The following DHRS7C variants were observed in gnomAD, a reference collection of about 807,000 sequenced individuals.
DHRS7C encodes dehydrogenase/reductase SDR family member 7C.
A neutral mutation model predicts 29.6 loss-of-function variants in DHRS7C; 28 were observed. The ratio of observed to expected loss-of-function variants is 0.95; its 90% CI spans 0.70 to 1.30. DHRS7C has a LOEUF of 1.30. Ranked by LOEUF, DHRS7C falls within the 50% of genes most tolerant of loss-of-function variation. DHRS7C has a pLI of 0.00. For missense variants in DHRS7C, 403 were observed against 393.3 expected, an observed-to-expected ratio of 1.02 and a Z score of -0.21; for synonymous variants, 158 against 160.2, an observed-to-expected ratio of 0.99 and a Z score of 0.10.
At chr17:9,777,050 G>A in intron 4 of DHRS7C, 143 bp downstream of exon 4, 1 of 645,746 alleles carries the variant, frequency 1.5e-6, no homozygotes, top group East Asian at 3.0e-5. Context: ...AGGAACCATA[G>A]GGATGAAAGA....
intron 2 of DHRS7C, among the ~76,000 whole-genome samples, chr17:9,781,182 A>C (rs943351380): frequency 6.6e-6 from 1 of 152,206 alleles, no homozygotes; most frequent in Admixed American, 6.5e-5. Context: ...CTGTGTTTGT[A>C]ATCACAGTCC....
At chr17:9,785,190 A>T (rs1393047682) in intron 1 of DHRS7C, 2 of 152,250 alleles carry the variant, frequency 1.3e-5, no homozygotes, top group Non-Finnish European at 2.9e-5. Context: ...ACACAAATGA[A>T]TCAAAGAAGA....
intron 1 of DHRS7C, among the ~76,000 whole-genome samples, chr17:9,790,464 C>T (rs1256316570): frequency 6.6e-6 from 1 of 152,140 alleles, no homozygotes; most frequent in African/African-American, 2.4e-5. Context: ...AATGCAAATG[C>T]CTTCAATGCC....
In DHRS7C at chr17:9,781,546, C is replaced by A; in HGVS notation, c.203G>T (p.Gly68Val). The A allele has an allele frequency of 6.2e-7, 1 of 1,614,008 alleles. No homozygotes were observed. The highest frequency in any genetic ancestry group is 8.5e-7 in the Non-Finnish European group (1 of 1,179,892). ...HTGGARLVLCGKNWERLENLY... is the reference protein window; with the variant it reads ...HTGGARLVLCVKNWERLENLY... The stretch of plus-strand genomic sequence containing the variant: ...GTTCTCTAGCCTCTCCCAGTTCTTT[C>A]CACACAGCACCAGCCTTGCCCCACC... Residue 68 changes from glycine to valine, a missense_variant, in exon 2 of 6, where the codon GGA becomes GTA. Gly to Val is a moderately radical substitution (Grantham distance 109). Transcript: ENST00000571134.
intron 1 of DHRS7C, among the ~76,000 whole-genome samples, chr17:9,783,181 G>C (rs1466678314): frequency 1.3e-5 from 2 of 152,166 alleles, no homozygotes; most frequent in East Asian, 3.8e-4. Context: ...TGAGAGAGCT[G>C]GGAGGAGGGC....
Position 9,781,576 on chromosome 17 carries a change from T to C in DHRS7C, c.173A>G (p.His58Arg). The change falls in exon 2 of 6, where the codon CAC becomes CGC. Residue 58 changes from histidine to arginine, a missense_variant. Transcript: ENST00000571134. ...GLGKECARVF[H>R]TGGARLVLCG... The stretch of plus-strand genomic sequence containing the variant: ...CAGCACCAGCCTTGCCCCACCTGTG[T>C]GGAACACCCGAGCACACTCTGTGGG... 6.2e-7 allele frequency: 1 copy of C among 1,613,862 alleles called. No individual in the cohort carries two copies. The highest frequency in any genetic ancestry group is 8.5e-7 in the Non-Finnish European group (1 of 1,179,862).
chr17:9,777,086 G>T, intron 4 of DHRS7C, 107 bp downstream of exon 4: 3 of 918,328 alleles, frequency 3.3e-6, no homozygotes, highest in Non-Finnish European at 4.8e-6. Flanking sequence ...TGTCATCCTT[G>T]GACCCTTTCC....
intron 2 of DHRS7C, 136 bp downstream of exon 2, chr17:9,781,346 T>C: frequency 2.7e-6 from 2 of 744,396 alleles, no homozygotes; most frequent in Non-Finnish European, 4.4e-6. Context: ...TATGTCAAGG[T>C]CATTGGGTTC....
At chr17:9,779,796 T>A (rs1046115997) in intron 3 of DHRS7C, 29 bp downstream of exon 3, 30 of 1,593,614 alleles carry the variant, frequency 1.9e-5, no homozygotes, top group Admixed American at 5.3e-5. Context: ...GTGGCCCAGA[T>A]ACCCATGGGA....
intron 2 of DHRS7C, 118 bp downstream of exon 2, chr17:9,781,364 C>T (rs1050331875): frequency 1.1e-6 from 1 of 907,086 alleles, no homozygotes; most frequent in African/African-American, 1.7e-5. Context: ...TTCATTGCCT[C>T]ACATTCCCCA....
At position 9,771,699 on chromosome 17, in the gene DHRS7C, G is replaced by A; in HGVS notation, c.728-3C>T. The A allele has an allele frequency of 6.8e-7, 1 of 1,475,564 alleles. No homozygotes were observed. 91.4% of individuals were successfully genotyped at this position (1,475,564 alleles called of 1,614,324 possible). ...GTAGGTCAGCTTCCTGAAAAAGACT[G>A]AAAGGCCCCAGTTGGGGGCGGGGGT... On this transcript the variant is annotated splice_polypyrimidine_tract_variant and splice_region_variant and intron_variant, in intron 5 of 5. Transcript: ENST00000571134.
chr17:9,786,198 G>C (rs1036828793), intron 1 of DHRS7C, among the ~76,000 whole-genome samples: 3 of 151,830 alleles, frequency 2.0e-5, no homozygotes, highest in African/African-American at 7.3e-5. Flanking sequence ...ATGGTGGCAG[G>C]TGCCTGTAAT....
Position 9,771,593 on chromosome 17 carries a change from G to T in DHRS7C, c.831C>A (p.Pro277=), listed in dbSNP as rs765133971. 6 of 1,598,920 alleles carry T rather than the reference G, an allele frequency of 3.8e-6. No individual in the cohort carries two copies. The highest frequency in any genetic ancestry group is 5.1e-6 in the Non-Finnish European group (6 of 1,171,932). The change falls in exon 6 of 6, where the codon CCC becomes CCA. Residue 277 remains proline (P), a synonymous_variant. Coordinates refer to ENST00000571134, the MANE Select transcript of DHRS7C (RefSeq NM_001105571.3). ...GGACGTACACGGCGGCCTTGGGGAT[G>T]GGGTTGGCCATAAACACCTCTTGCT... ...RKKQEVFMAN[P]IPKAAVYVRT... is the part of the protein sequence containing the mutation.
At chr17:9,781,974 A>T (rs1349196051) in intron 1 of DHRS7C, among the ~76,000 whole-genome samples, 2 of 152,192 alleles carry the variant, frequency 1.3e-5, no homozygotes, top group African/African-American at 2.4e-5. Flanking sequence ...TTCAAATCAA[A>T]TGTCACCAGT....
In DHRS7C at chr17:9,781,556, C is replaced by T; in HGVS notation, c.193G>A (p.Val65Met). 2.5e-6 allele frequency: 4 copies of T among 1,613,994 alleles called. No individual in the cohort carries two copies. In the Admixed American group the frequency reaches 5.0e-5, roughly 20 times the overall value. ...RVFHTGGARL[V>M]LCGKNWERLE... ...CTCTCCCAGTTCTTTCCACACAGCA[C>T]CAGCCTTGCCCCACCTGTGTGGAAC... The change falls in exon 2 of 6, where the codon GTG becomes ATG. Residue 65 changes from valine (V) to methionine (M), a missense_variant. Val to Met is a conservative substitution (Grantham distance 21). Transcript: ENST00000571134.
intron 4 of DHRS7C, among the ~76,000 whole-genome samples, chr17:9,776,673 C>A (rs2152015708): frequency 6.6e-6 from 1 of 152,288 alleles, no homozygotes. Flanking sequence ...CCTTCTCCCC[C>A]TTGAACTTTT....
At chr17:9,781,406 A>C (rs2066391977) in intron 2 of DHRS7C, 76 bp downstream of exon 2, 1 of 1,409,498 alleles carries the variant, frequency 7.1e-7, no homozygotes. Flanking sequence ...CACTTGGTCC[A>C]AGAGCTGGTC....
chr17:9,791,021 C>T, intron 1 of DHRS7C, 110 bp downstream of exon 1: 3 of 1,326,868 alleles, frequency 2.3e-6, no homozygotes, highest in African/African-American at 2.9e-5. Flanking sequence ...GGATCGATCC[C>T]CTCCCACCGA....
rs1290991702 is a variant in DHRS7C, at chr17:9,777,244, C to T, written c.520G>A (p.Val174Met). Reference sequence around the variant, plus strand: ...TTCCCTTGGATATTATTCACTAACACGATTTGGCCTGTTCTCCGGGAGATC... The same window carrying T: ...TTCCCTTGGATATTATTCACTAACATGATTTGGCCTGTTCTCCGGGAGATC... ...NMISRRTGQI[V>M]LVNNIQGKFG... The change falls in exon 4 of 6, where the codon GTG becomes ATG. Residue 174 changes from valine (V) to methionine (M), a missense_variant. Coordinates refer to ENST00000571134, the MANE Select transcript of DHRS7C (RefSeq NM_001105571.3). The T allele has an allele frequency of 1.1e-5, 18 of 1,613,674 alleles. No individual in the cohort carries two copies. The highest frequency in any genetic ancestry group is 6.7e-5 in the East Asian group (3 of 44,876).
Sources: allele counts gnomAD v4.1 joint callset (sites outside exome capture counted in the v4.1 genomes callset), GRCh38; gene constraint gnomAD v4.1.1; transcripts MANE v1.5; gene names NCBI Gene and HGNC (gene_info 2026-07-23, HGNC 2026-07-21).